The following EHD4 variants were observed in gnomAD, a reference collection of about 807,000 sequenced individuals.
EHD4 encodes the protein EH domain-containing protein 4.
EHD4 carries 37 observed loss-of-function variants against 51.0 expected under a neutral mutation model. The ratio of observed to expected loss-of-function variants is 0.73; its 90% confidence interval spans 0.56 to 0.95. The LOEUF (loss-of-function observed/expected upper bound fraction) is 0.95. EHD4 is among the 40% of genes least tolerant of loss of function. The probability of loss-of-function intolerance (pLI) is 0.00; values close to 1 mark genes in which losing one functional copy is unlikely to be tolerated. For missense variants in EHD4, 632 were observed against 733.1 expected (o/e 0.86, Z 1.59); for synonymous variants, 297 against 317.3 (o/e 0.94, Z 0.68).
At chr15:41,914,779 A>G (rs2067572369) in intron 4 of EHD4, among the ~76,000 whole-genome samples, 1 of 130,544 alleles carries the variant, frequency 7.7e-6, no homozygotes. Flanking sequence ...ATTTCTTTAC[A>G]GGAGAATTTT....
chr15:41,931,559 AAAAC>A (rs1391088376), intron 3 of EHD4, among the ~76,000 whole-genome samples: 29 of 152,382 alleles, frequency 1.9e-4, no homozygotes, highest in African/African-American at 6.7e-4. Flanking sequence ...AAATTAAAAT[AAAAC>A]AAAATTAAAT....
chr15:41,914,248 C>T (rs532506982), intron 4 of EHD4, among the ~76,000 whole-genome samples: 125 of 152,304 alleles, frequency 8.2e-4, no homozygotes, highest in Non-Finnish European at 1.0e-3. Context: ...CACTGTGCCA[C>T]GCTCATCTGC....
chr15:41,929,430 G>T (rs965484789), intron 3 of EHD4, among the ~76,000 whole-genome samples: 6 of 152,232 alleles, frequency 3.9e-5, no homozygotes, highest in South Asian at 2.1e-4. Context: ...ACAGAGGAAG[G>T]TTCCACGCCA....
chr15:41,952,995 C>A (rs558235849), intron 2 of EHD4, among the ~76,000 whole-genome samples: 1,857 of 97,856 alleles, frequency 0.019, 15 homozygotes, highest in South Asian at 0.043. Context: ...ATCTTCCCCC[C>A]CGCAAAAAAA....
At chr15:41,907,296 T>A (rs914955093) in intron 5 of EHD4, among the ~76,000 whole-genome samples, 1 of 152,210 alleles carries the variant, frequency 6.6e-6, no homozygotes, top group African/African-American at 2.4e-5. Context: ...AGTTCCCTTC[T>A]GAAATATCTG....
At chr15:41,907,262 A>G (rs903743180) in intron 5 of EHD4, among the ~76,000 whole-genome samples, 1 of 152,170 alleles carries the variant, frequency 6.6e-6, no homozygotes, top group South Asian at 2.1e-4. Context: ...TTTCTTTATA[A>G]CTTTCATTTA....
chr15:41,945,906 C>T (rs2067809176), intron 2 of EHD4, among the ~76,000 whole-genome samples: 1 of 152,242 alleles, frequency 6.6e-6, no homozygotes, highest in Admixed American at 6.5e-5. Context: ...CAACTCACAG[C>T]CGTGGGACTG....
At chr15:41,969,057 T>C (rs928664258) in intron 1 of EHD4, among the ~76,000 whole-genome samples, 6 of 152,244 alleles carry the variant, frequency 3.9e-5, no homozygotes, top group African/African-American at 1.4e-4. Flanking sequence ...TAGAAGATCA[T>C]GTCATCTGCA....
At chr15:41,924,445 T>C (rs2067647890) in intron 3 of EHD4, among the ~76,000 whole-genome samples, 3 of 152,208 alleles carry the variant, frequency 2.0e-5, no homozygotes, top group African/African-American at 4.8e-5. Flanking sequence ...GGGCTGATAA[T>C]AGTATCCACA....
rs149639837 is a variant in EHD4, at chr15:41,912,330, G to A, written c.925-2467C>T. On this transcript the variant is annotated intron_variant, in intron 4 of 5. Coordinates refer to ENST00000220325, the MANE Select transcript of EHD4 (RefSeq NM_139265.4). Reference sequence around the variant, plus strand: ...ACGCTGCCTCTGCATGTCCACCCGCGTCCTGCCCTTCCTGGTGCGCCCTAA... The same window carrying A: ...ACGCTGCCTCTGCATGTCCACCCGCATCCTGCCCTTCCTGGTGCGCCCTAA... Among the ~76,000 whole-genome samples the A allele has an allele frequency of 2.2e-4, 34 of 152,234 alleles. No homozygotes were observed. The East Asian group carries it at 5.8e-3, about 26-fold the overall frequency.
intron 1 of EHD4, among the ~76,000 whole-genome samples, chr15:41,960,406 A>G (rs1376330515): frequency 6.6e-6 from 1 of 152,192 alleles, no homozygotes; most frequent in Admixed American, 6.5e-5. Context: ...AAGTTAAACA[A>G]TTTTGCATCT....
At chr15:41,903,294 A>AC (rs575870426) in intron 5 of EHD4, among the ~76,000 whole-genome samples, 10,359 of 147,138 alleles carry the variant, frequency 0.07, 470 homozygotes, top group African/African-American at 0.092. Context: ...AAAAAAAAAA[A>AC]AACTTGGTGT....
chr15:41,919,085 T>A, intron 4 of EHD4, 125 bp downstream of exon 4: 1 of 1,297,368 alleles, frequency 7.7e-7, no homozygotes, highest in East Asian at 2.4e-5. Flanking sequence ...GCTGTATTCT[T>A]AACCTAGCGC....
chr15:41,935,353 C>T (rs992611348), intron 3 of EHD4, among the ~76,000 whole-genome samples: 2 of 152,130 alleles, frequency 1.3e-5, no homozygotes, highest in African/African-American at 2.4e-5. Flanking sequence ...ACCTAAGGCA[C>T]CTGGCACCTG....
intron 3 of EHD4, among the ~76,000 whole-genome samples, chr15:41,919,995 C>T (rs555870170): frequency 6.6e-6 from 1 of 152,262 alleles, no homozygotes; most frequent in South Asian, 2.1e-4. Context: ...GTCAAAAGAT[C>T]TTACTTCTGA....
At position 41,900,758 on chromosome 15, in the gene EHD4, C is replaced by T. The variant is rs368310936; in HGVS notation, c.1513G>A (p.Ala505Thr). 3.2e-5 allele frequency: 52 copies of T among 1,613,782 alleles called. No individual in the cohort carries two copies. The highest frequency in any genetic ancestry group is 4.5e-5 in the East Asian group (2 of 44,888). Residue 505 changes from alanine to threonine, a missense_variant, in exon 6 of 6, where the codon GCG becomes ACG. Transcript: ENST00000220325. This position sits in a 1 kb window ranked among gnomAD's most constrained non-coding sequence, Gnocchi z 4.8. Reference protein sequence around the residue: ...CDGMLDEEEFALAKHLIKIKL... With the variant: ...CDGMLDEEEFTLAKHLIKIKL... ...ATCTTGATGAGGTGCTTGGCCAGCG[C>T]GAACTCCTCCTCATCAAGCATGCCG...
chr15:41,931,678 TTC>T (rs1171275485), intron 3 of EHD4, among the ~76,000 whole-genome samples: 4 of 151,768 alleles, frequency 2.6e-5, no homozygotes, highest in African/African-American at 9.7e-5. Context: ...ACTCAGCAAT[TTC>T]TTTTTTTTTT....
chr15:41,937,318 T>G (rs1456737053), intron 3 of EHD4, among the ~76,000 whole-genome samples: 1 of 152,182 alleles, frequency 6.6e-6, no homozygotes, highest in African/African-American at 2.4e-5. Context: ...ATACACTCTT[T>G]CTGTTGTCTA....
rs142340774 is a variant in EHD4, at chr15:41,902,521, C to T, written c.1090-1340G>A. The stretch of plus-strand genomic sequence containing the variant: ...CTTATGTTGTAATGGAGGAAGGATA[C>T]TCCAATTGTTTAAAAAAGGACTTGA... On this transcript the variant is annotated intron_variant, in intron 5 of 5. Coordinates refer to ENST00000220325, the MANE Select transcript of EHD4 (RefSeq NM_139265.4). 3.4e-3 allele frequency among the ~76,000 whole-genome samples: 518 copies of T among 152,130 alleles called. 5 individuals carry two copies. The highest frequency in any genetic ancestry group is 0.012 in the African/African-American group (502 of 41,500).
Sources: allele counts gnomAD v4.1 joint callset (sites outside exome capture counted in the v4.1 genomes callset), GRCh38; gene constraint gnomAD v4.1.1; non-coding constraint Gnocchi (gnomAD v3.1); transcripts MANE v1.5; gene names NCBI Gene and HGNC (gene_info 2026-07-23, HGNC 2026-07-21).